The following GRIP1 variants were observed in gnomAD, a reference collection of about 807,000 sequenced individuals.
The protein encoded by GRIP1 is glutamate receptor interacting protein 1.
In GRIP1, 45 loss-of-function variants were observed where a neutral mutation model predicts 129.9. The observed-to-expected ratio is 0.35, with a 90% CI of 0.27 to 0.44. The LOEUF (loss-of-function observed/expected upper bound fraction) is 0.44, where lower values mean the gene tolerates loss of function less well. Among genes scored for constraint, GRIP1 ranks in the 20% least tolerant of loss-of-function variants. The pLI, the probability that GRIP1 is intolerant of heterozygous loss-of-function variation, is 1.00. For missense variants in GRIP1, 1,196 were observed against 1,396.8 expected, an observed-to-expected ratio of 0.86 and a Z score of 2.29; for synonymous variants, 530 against 520.8, an observed-to-expected ratio of 1.02 and a Z score of -0.24.
At chr12:66,544,444 T>C (rs1339349586) in intron 2 of GRIP1, among the ~76,000 whole-genome samples, 1 of 151,656 alleles carries the variant, frequency 6.6e-6, no homozygotes, top group Non-Finnish European at 1.5e-5. Flanking sequence ...ACAGCATGAG[T>C]TGTAGGGAAG....
chr12:66,990,079 G>A (rs2042371542), intron 1 of GRIP1, among the ~76,000 whole-genome samples: 1 of 152,172 alleles, frequency 6.6e-6, no homozygotes, highest in Non-Finnish European at 1.5e-5. Context: ...CATTAAAAGG[G>A]ATGGTACATA....
intron 1 of GRIP1, among the ~76,000 whole-genome samples, chr12:66,891,327 C>T (rs1469656131): frequency 6.6e-6 from 1 of 152,154 alleles, no homozygotes; most frequent in East Asian, 1.9e-4. Context: ...CTCTCAAGGG[C>T]TCAAGTTTTG....
chr12:66,441,913 A>G (rs1222062989), intron 13 of GRIP1, among the ~76,000 whole-genome samples: 1 of 152,022 alleles, frequency 6.6e-6, no homozygotes, highest in Non-Finnish European at 1.5e-5. Context: ...CTCATCTTCC[A>G]TATCCAACCC....
intron 7 of GRIP1, among the ~76,000 whole-genome samples, chr12:66,507,548 A>G (rs1460304557): frequency 6.6e-6 from 1 of 152,190 alleles, no homozygotes; most frequent in Non-Finnish European, 1.5e-5. Context: ...AATACAAACT[A>G]TAGCCAAGAT....
chr12:66,528,177 C>T (rs1158113638), intron 5 of GRIP1, among the ~76,000 whole-genome samples: 3 of 136,226 alleles, frequency 2.2e-5, no homozygotes, highest in African/African-American at 8.4e-5. Context: ...CTCTATCACC[C>T]AGGCTGGAGT....
intron 1 of GRIP1, among the ~76,000 whole-genome samples, chr12:66,746,351 A>G (rs2036945049): frequency 1.3e-5 from 2 of 152,236 alleles, no homozygotes; most frequent in Non-Finnish European, 2.9e-5. Flanking sequence ...ATGTGTTCAC[A>G]GCCCAGCAGC....
intron 1 of GRIP1, among the ~76,000 whole-genome samples, chr12:67,025,360 TACAC>T (rs1212834424): frequency 1.3e-5 from 2 of 150,992 alleles, no homozygotes; most frequent in Admixed American, 6.6e-5. Context: ...CACACACACA[TACAC>T]ACACACAAAG....
At chr12:66,460,031 C>G (rs1461184608) in intron 9 of GRIP1, among the ~76,000 whole-genome samples, 3 of 152,142 alleles carry the variant, frequency 2.0e-5, no homozygotes, top group African/African-American at 7.2e-5. Flanking sequence ...AGACAATGTT[C>G]ACAATATTCC....
chr12:66,633,443 G>A (rs997463484), intron 1 of GRIP1, among the ~76,000 whole-genome samples: 8 of 151,414 alleles, frequency 5.3e-5, no homozygotes, highest in East Asian at 1.9e-4. Context: ...GGGCTAATGC[G>A]CCCAGCCAAA....
intron 1 of GRIP1, among the ~76,000 whole-genome samples, chr12:66,598,220 AC>A (rs2139771011): frequency 6.6e-6 from 1 of 152,280 alleles, no homozygotes; most frequent in Admixed American, 6.5e-5. Context: ...TCTAGGATGA[AC>A]TTCTGGTTTG....
At chr12:66,447,051 T>C (rs917573700) in intron 11 of GRIP1, among the ~76,000 whole-genome samples, 1 of 152,214 alleles carries the variant, frequency 6.6e-6, no homozygotes, top group Admixed American at 6.5e-5. Flanking sequence ...TGCCTTTGTA[T>C]TCCAGATAAA....
At chr12:66,606,684 C>T (rs1398946470) in intron 1 of GRIP1, among the ~76,000 whole-genome samples, 1 of 152,098 alleles carries the variant, frequency 6.6e-6, no homozygotes, top group African/African-American at 2.4e-5. Flanking sequence ...AATTTGTCCT[C>T]ATCTAAATAG....
intron 1 of GRIP1, among the ~76,000 whole-genome samples, chr12:66,607,322 T>C (rs2064582890): frequency 6.6e-6 from 1 of 152,270 alleles, no homozygotes; most frequent in Non-Finnish European, 1.5e-5. Context: ...CTCCAAGCAT[T>C]TTAGAAGATG....
At chr12:66,466,340 C>G (rs975873881) in intron 7 of GRIP1, among the ~76,000 whole-genome samples, 3 of 152,184 alleles carry the variant, frequency 2.0e-5, no homozygotes, top group Non-Finnish European at 4.4e-5. Flanking sequence ...TCAATCACAG[C>G]ATTCTCAGTG....
chr12:67,054,634 C>T (rs111539859), intron 1 of GRIP1, among the ~76,000 whole-genome samples: 14 of 151,796 alleles, frequency 9.2e-5, no homozygotes, highest in South Asian at 2.1e-4. Flanking sequence ...CATGGTGGTG[C>T]GCACCTGTAA....
At chr12:66,837,178 C>T (rs2039629252) in intron 1 of GRIP1, among the ~76,000 whole-genome samples, 1 of 152,126 alleles carries the variant, frequency 6.6e-6, no homozygotes, top group African/African-American at 2.4e-5. Context: ...TTTAACTCAC[C>T]TTTACTGAGT....
At chr12:66,400,353 C>A (rs1267356998) in intron 16 of GRIP1, among the ~76,000 whole-genome samples, 1 of 152,140 alleles carries the variant, frequency 6.6e-6, no homozygotes, top group Non-Finnish European at 1.5e-5. Context: ...CAGCTTCTTG[C>A]CAACACACCT....
At position 66,593,819 on chromosome 12, in the gene GRIP1, T is replaced by A. The variant is rs536734459; in HGVS notation, c.136+3028A>T. Among the ~76,000 whole-genome samples, 12 of 152,096 alleles carry A rather than the reference T, an allele frequency of 7.9e-5. No homozygotes were observed. The East Asian group carries it at 2.1e-3, about 27-fold the overall frequency. ...CACGGTGGCTCACACCTGTAATCCC[T>A]GCACTTTGGGAGGCTGAGGTGGGCG... is the stretch of plus-strand genomic sequence containing the variant. On this transcript the variant is annotated intron_variant, in intron 2 of 24. Transcript: ENST00000359742.
chr12:66,765,615 C>T (rs1222012265), intron 1 of GRIP1, among the ~76,000 whole-genome samples: 12 of 152,210 alleles, frequency 7.9e-5, no homozygotes, highest in Non-Finnish European at 1.3e-4. Flanking sequence ...CCTTGCTTCA[C>T]ACTCCATGGT....
Sources: gnomAD v4.1 joint callset for allele counts (sites outside exome capture counted in the v4.1 genomes callset) on GRCh38, gnomAD v4.1.1 for gene constraint, MANE v1.5 for transcripts, NCBI Gene and HGNC (gene_info 2026-07-23, HGNC 2026-07-21) for gene names.